Variants in MPPED1 observed in about 807,000 individuals in gnomAD.
MPPED1 encodes metallophosphoesterase domain containing 1.
MPPED1 carries 16 observed loss-of-function variants against 36.2 expected under a neutral mutation model. That is an observed-to-expected ratio of 0.44 (90% confidence interval 0.30 to 0.67). The LOEUF is 0.67. MPPED1 is among the 30% of genes least tolerant of loss of function. The pLI, the probability that MPPED1 is intolerant of heterozygous loss-of-function variation, is 0.10. For missense variants in MPPED1, 307 were observed against 453.4 expected, an observed-to-expected ratio of 0.68 and a Z score of 2.93; for synonymous variants, 199 against 191.3, an observed-to-expected ratio of 1.04 and a Z score of -0.33.
At chr22:43,422,172 G>C in intron 1 of MPPED1, among the ~76,000 whole-genome samples, 1 of 152,210 alleles carries the variant, frequency 6.6e-6, no homozygotes, top group Non-Finnish European at 1.5e-5. Context: ...CGGGAGAGGA[G>C]GGCAGAGGCG....
intron 2 of MPPED1, among the ~76,000 whole-genome samples, chr22:43,426,015 C>G (rs1929456058): frequency 6.6e-6 from 1 of 152,172 alleles, no homozygotes; most frequent in African/African-American, 2.4e-5. Context: ...AGCTCCTGGC[C>G]CTGCTCTGGG....
At chr22:43,495,358 G>T (rs1429091066) in intron 4 of MPPED1, among the ~76,000 whole-genome samples, 3 of 140,452 alleles carry the variant, frequency 2.1e-5, no homozygotes, top group Non-Finnish European at 4.5e-5. Flanking sequence ...TGATGGAGGT[G>T]ATGGTGGTGA....
chr22:43,436,565 G>A (rs1929968824), intron 3 of MPPED1, among the ~76,000 whole-genome samples: 1 of 152,282 alleles, frequency 6.6e-6, no homozygotes, highest in African/African-American at 2.4e-5. Flanking sequence ...CAGGCCGGGG[G>A]ACAGGGCTCC....
intron 1 of MPPED1, chr22:43,416,994 T>C (rs1050796956): frequency 4.1e-6 from 4 of 985,306 alleles, no homozygotes. Context: ...CAGCTATTTG[T>C]GGCAGACAGG....
chr22:43,434,530 A>G (rs541778013), intron 2 of MPPED1, among the ~76,000 whole-genome samples: 3 of 152,248 alleles, frequency 2.0e-5, no homozygotes, highest in African/African-American at 7.2e-5. Context: ...GAGTGAAGAA[A>G]ACGTCTTGCT....
intron 4 of MPPED1, among the ~76,000 whole-genome samples, chr22:43,491,557 T>C (rs1932086232): frequency 6.7e-6 from 1 of 150,348 alleles, no homozygotes; most frequent in African/African-American, 2.5e-5. Context: ...GTGGTGGCGG[T>C]GGTAGTGATG....
chr22:43,496,442 G>A (rs1328970568), intron 4 of MPPED1, among the ~76,000 whole-genome samples: 1 of 97,434 alleles, frequency 1.0e-5, no homozygotes, highest in African/African-American at 5.3e-5. Context: ...GGTGGTGGTG[G>A]TGGAGGTAGT....
intron 3 of MPPED1, among the ~76,000 whole-genome samples, chr22:43,439,110 C>A (rs952183549): frequency 6.6e-6 from 1 of 152,202 alleles, no homozygotes; most frequent in Non-Finnish European, 1.5e-5. Flanking sequence ...GGTTAAATTC[C>A]TGCGGACTCT....
intron 4 of MPPED1, among the ~76,000 whole-genome samples, chr22:43,491,011 T>C (rs993713245): frequency 2.6e-5 from 4 of 152,240 alleles, no homozygotes; most frequent in East Asian, 3.8e-4. Flanking sequence ...ACTCAGTCCA[T>C]GTGGATGTGG....
chr22:43,495,306 T>A (rs1172800432), intron 4 of MPPED1, among the ~76,000 whole-genome samples: 11 of 138,892 alleles, frequency 7.9e-5, no homozygotes, highest in African/African-American at 3.0e-4. Context: ...GAGGTGATGG[T>A]GGTGATGGTG....
intron 3 of MPPED1, among the ~76,000 whole-genome samples, chr22:43,451,856 G>A (rs933567919): frequency 6.6e-6 from 1 of 152,064 alleles, no homozygotes; most frequent in African/African-American, 2.4e-5. Flanking sequence ...CCGAGGCTTC[G>A]GGGCAGTTGT....
At position 43,412,177 on chromosome 22, in the gene MPPED1, GGGGCGCGGCGGGCGCGGGCGGGAGGCC is replaced by G; in HGVS notation, c.-79+28_-79+54del. ...GGGCCAGGTAGGACCGGAGGCGGGC[GGGGCGCGGCGGGCGCGGGCGGGAGGCC>G]GGGCGCGGGGCGCGGCCGGGACCCT... is the stretch of plus-strand genomic sequence containing the variant. On this transcript the variant is annotated intron_variant, in intron 1 of 6. Coordinates refer to ENST00000443721, the MANE Select transcript of MPPED1 (RefSeq NM_001044370.2). The G allele has an allele frequency of 1.0e-6, 1 of 978,734 alleles. No homozygotes were observed. Among genetic ancestry groups the G allele is most frequent in the Non-Finnish European group, 1.2e-6 (1 of 826,462 alleles). The allele number at this position is 978,734 out of a possible 1,614,324, so 60.6% of individuals were successfully genotyped here.
intron 2 of MPPED1, among the ~76,000 whole-genome samples, chr22:43,431,020 AAT>A: frequency 1.8e-5 from 1 of 55,722 alleles, no homozygotes; most frequent in Non-Finnish European, 4.1e-5. Context: ...TGTTGTTGTT[AAT>A]TTTTTTTTTT....
At chr22:43,460,579 G>A (rs1463416348) in intron 3 of MPPED1, among the ~76,000 whole-genome samples, 2 of 152,126 alleles carry the variant, frequency 1.3e-5, no homozygotes, top group Non-Finnish European at 2.9e-5. Flanking sequence ...TGTTTATTTA[G>A]TGAATGTCCT....
rs547474663 is a variant in MPPED1 at position 43,451,922 on chromosome 22, C to CG, written c.406+16709dup. On this transcript the variant is annotated intron_variant, in intron 3 of 6. Coordinates refer to ENST00000443721, the MANE Select transcript of MPPED1 (RefSeq NM_001044370.2). ...CCTTTCTTGTGTGGGCTGCTCCTGCCGGAGTGCCAATCCTGACTGCCTAGG... is the reference window on the plus strand; with the variant it reads ...CCTTTCTTGTGTGGGCTGCTCCTGCCGGGAGTGCCAATCCTGACTGCCTAGG... 3.9e-3 allele frequency among the ~76,000 whole-genome samples: 600 copies of CG among 152,296 alleles called. 2 individuals carry two copies. The highest frequency in any genetic ancestry group is 5.5e-3 in the Non-Finnish European group (374 of 68,028).
intron 1 of MPPED1, chr22:43,416,976 T>C (rs1929097507): frequency 1.0e-6 from 1 of 985,192 alleles, no homozygotes; most frequent in Non-Finnish European, 1.2e-6. Flanking sequence ...ATTAAAGGAA[T>C]AAGTGAGCAG....
intron 2 of MPPED1, among the ~76,000 whole-genome samples, chr22:43,428,255 T>A (rs376431557): frequency 1.3e-5 from 2 of 152,212 alleles, no homozygotes; most frequent in East Asian, 1.9e-4. Flanking sequence ...TGGACTGCTC[T>A]GCACCACCAC....
At chr22:43,438,005 A>T (rs1017205924) in intron 3 of MPPED1, among the ~76,000 whole-genome samples, 3 of 152,054 alleles carry the variant, frequency 2.0e-5, no homozygotes, top group Non-Finnish European at 4.4e-5. Context: ...AGAAAAAGAG[A>T]CTGGAAAGAA....
chr22:43,452,882 TC>T (rs1356373748), intron 3 of MPPED1, among the ~76,000 whole-genome samples: 1 of 151,428 alleles, frequency 6.6e-6, no homozygotes, highest in Non-Finnish European at 1.5e-5. Flanking sequence ...TCCTTTGACC[TC>T]CCCAAGTGCC....
Sources: gnomAD v4.1 joint callset for allele counts (sites outside exome capture counted in the v4.1 genomes callset) on GRCh38, gnomAD v4.1.1 for gene constraint, MANE v1.5 for transcripts, NCBI Gene and HGNC (gene_info 2026-07-23, HGNC 2026-07-21) for gene names.